Variants in NRXN1 observed in about 807,000 individuals in gnomAD.
The protein encoded by NRXN1 is neurexin-1.
NRXN1 carries 39 observed loss-of-function variants against 150.9 expected under a neutral mutation model. The ratio of observed to expected loss-of-function variants is 0.26; its 90% CI spans 0.20 to 0.34. The LOEUF is 0.34. Among genes scored for constraint, NRXN1 ranks in the 10% least tolerant of loss-of-function variants. The pLI, the probability that NRXN1 is intolerant of heterozygous loss-of-function variation, is 1.00. For missense variants in NRXN1, 1,815 were observed against 1,949.9 expected, an observed-to-expected ratio of 0.93 and a Z score of 1.30; for synonymous variants, 924 against 757.0, an observed-to-expected ratio of 1.22 and a Z score of -3.62.
chr2:49,934,416 T>C (rs1301181647), intron 22 of NRXN1, among the ~76,000 whole-genome samples: 1 of 152,144 alleles, frequency 6.6e-6, no homozygotes. Context: ...CCTGAGTCAT[T>C]CTGTGTAATG....
intron 1 of NRXN1, among the ~76,000 whole-genome samples, chr2:51,029,772 C>G (rs557159407): frequency 2.6e-5 from 4 of 152,194 alleles, no homozygotes; most frequent in Non-Finnish European, 5.9e-5. Flanking sequence ...AATGAATAAT[C>G]TGTTGTAAAA....
chr2:49,995,139 G>A (rs1386382070), intron 21 of NRXN1, among the ~76,000 whole-genome samples: 1 of 152,118 alleles, frequency 6.6e-6, no homozygotes, highest in Admixed American at 6.5e-5. Context: ...GAAGAGGGTG[G>A]CAACATCTGT....
intron 19 of NRXN1, among the ~76,000 whole-genome samples, chr2:50,063,383 C>T (rs1160739214): frequency 6.6e-6 from 1 of 152,114 alleles, no homozygotes; most frequent in Non-Finnish European, 1.5e-5. Context: ...CTCCAGCTTA[C>T]TCCAGTTTCA....
intron 21 of NRXN1, among the ~76,000 whole-genome samples, chr2:49,956,006 C>T (rs544946252): frequency 6.6e-6 from 1 of 152,208 alleles, no homozygotes; most frequent in East Asian, 1.9e-4. Context: ...AATCCAGTTT[C>T]TTTTGGGTTT....
At chr2:50,450,694 C>A (rs1005182025) in intron 17 of NRXN1, among the ~76,000 whole-genome samples, 11 of 152,272 alleles carry the variant, frequency 7.2e-5, no homozygotes, top group Admixed American at 6.5e-4. Flanking sequence ...TGAAACGATG[C>A]TTTCACGCTG....
At chr2:50,160,542 CA>C (rs563236722) in intron 18 of NRXN1, among the ~76,000 whole-genome samples, 99 of 137,290 alleles carry the variant, frequency 7.2e-4, no homozygotes, top group Middle Eastern at 3.6e-3. Flanking sequence ...ATTTCGTCTC[CA>C]AAAAAAAAAA....
At chr2:50,092,384 T>G (rs2152698783) in intron 18 of NRXN1, among the ~76,000 whole-genome samples, 1 of 152,350 alleles carries the variant, frequency 6.6e-6, no homozygotes, top group Admixed American at 6.5e-5. Context: ...ATCAGTTGAT[T>G]TCTAAAGCAT....
intron 22 of NRXN1, among the ~76,000 whole-genome samples, chr2:49,934,662 A>G (rs561972776): frequency 6.6e-6 from 1 of 152,284 alleles, no homozygotes; most frequent in Admixed American, 6.5e-5. Flanking sequence ...CAAGGCATCC[A>G]TCATGGTGGG....
chr2:50,725,934 T>C (rs1157508626), intron 5 of NRXN1, among the ~76,000 whole-genome samples: 2 of 152,180 alleles, frequency 1.3e-5, no homozygotes, highest in Non-Finnish European at 2.9e-5. Flanking sequence ...CAAGAGAGCA[T>C]GGAGTTGACT....
At chr2:50,476,000 A>G (rs928763961) in intron 15 of NRXN1, among the ~76,000 whole-genome samples, 1 of 152,092 alleles carries the variant, frequency 6.6e-6, no homozygotes, top group Non-Finnish European at 1.5e-5. Flanking sequence ...GTAAAAGCCA[A>G]CTTTCCTGTA....
At chr2:50,143,918 T>C (rs1160425576) in intron 18 of NRXN1, among the ~76,000 whole-genome samples, 2 of 151,948 alleles carry the variant, frequency 1.3e-5, no homozygotes, top group East Asian at 1.9e-4. Context: ...CCGTATAGAA[T>C]ACTAAAAAAA....
At chr2:50,001,926 T>C (rs1055976943) in intron 21 of NRXN1, among the ~76,000 whole-genome samples, 2 of 152,056 alleles carry the variant, frequency 1.3e-5, no homozygotes, top group African/African-American at 4.8e-5. Flanking sequence ...TGCCAGACTC[T>C]CCTGCTGGCC....
chr2:50,565,822 G>A (rs951071157), intron 8 of NRXN1, among the ~76,000 whole-genome samples: 4 of 152,088 alleles, frequency 2.6e-5, no homozygotes, highest in East Asian at 1.9e-4. Flanking sequence ...AACTCCTCCC[G>A]TCAATACTCT....
chr2:50,895,948 C>T (rs1026611730), intron 5 of NRXN1, among the ~76,000 whole-genome samples: 5 of 151,972 alleles, frequency 3.3e-5, no homozygotes, highest in African/African-American at 7.3e-5. Flanking sequence ...GAAATATATT[C>T]GCTCCACAAC....
At chr2:49,934,735 G>C (rs551711955) in intron 22 of NRXN1, among the ~76,000 whole-genome samples, 119 of 152,232 alleles carry the variant, frequency 7.8e-4, no homozygotes, top group African/African-American at 2.7e-3. Flanking sequence ...GAGTGTCTTA[G>C]GAAGGAAGCA....
intron 8 of NRXN1, among the ~76,000 whole-genome samples, chr2:50,561,523 G>A (rs1475414818): frequency 6.6e-6 from 1 of 152,092 alleles, no homozygotes; most frequent in Non-Finnish European, 1.5e-5. Flanking sequence ...ATAATGTATT[G>A]GGGACTTCAG....
At chr2:50,331,631 G>A (rs1163473540) in intron 17 of NRXN1, among the ~76,000 whole-genome samples, 1 of 152,108 alleles carries the variant, frequency 6.6e-6, no homozygotes, top group Admixed American at 6.5e-5. Context: ...TAGTATCCTT[G>A]TTAGCAGTAT....
intron 18 of NRXN1, among the ~76,000 whole-genome samples, chr2:50,183,897 C>G (rs2060900687): frequency 6.6e-6 from 1 of 151,810 alleles, no homozygotes; most frequent in Admixed American, 6.6e-5. Context: ...CAGGCAGGCA[C>G]CGGTTGTGCT....
At chr2:49,994,977 C>A (rs1682687857) in intron 21 of NRXN1, among the ~76,000 whole-genome samples, 1 of 152,110 alleles carries the variant, frequency 6.6e-6, no homozygotes, top group South Asian at 2.1e-4. Context: ...AGGTGTAGTT[C>A]TCATAATTTC....
Sources: allele counts gnomAD v4.1 joint callset (sites outside exome capture counted in the v4.1 genomes callset), GRCh38; gene constraint gnomAD v4.1.1; transcripts MANE v1.5; gene names NCBI Gene and HGNC (gene_info 2026-07-23, HGNC 2026-07-21).